MRTFA: variants seen among roughly 807,000 people sequenced by gnomAD.
MRTFA encodes myocardin related transcription factor A, also known as myocardin-related transcription factor A.
Under a neutral mutation model 83.5 loss-of-function variants are expected in MRTFA, and 20 were observed. The observed-to-expected ratio is 0.24, with a 90% CI of 0.17 to 0.35. The LOEUF is 0.35. MRTFA is among the 10% of genes least tolerant of loss of function. The probability of loss-of-function intolerance (pLI) is 1.00; values close to 1 mark genes in which losing one functional copy is unlikely to be tolerated. For missense variants in MRTFA, 1,200 were observed against 1,224.7 expected (o/e 0.98, Z 0.30); for synonymous variants, 659 against 541.2 (o/e 1.22, Z -3.02).
At position 40,410,428 on chromosome 22, in the gene MRTFA, A is replaced by AC. The variant is rs555878741; in HGVS notation, c.*961dup. ...AGTGGCCCCAGGGCAGGAGATGGCCACCCCTCAGCCCCACCGCAGGGTGAA... is the reference window on the plus strand; with the variant it reads ...AGTGGCCCCAGGGCAGGAGATGGCCACCCCCTCAGCCCCACCGCAGGGTGAA... On this transcript the variant is annotated 3_prime_UTR_variant, in exon 15 of 15. Transcript: ENST00000355630. 2.1e-3 allele frequency: 487 copies of AC among 233,992 alleles called. 2 individuals carry two copies. Among genetic ancestry groups the AC allele is most frequent in the African/African-American group, 9.8e-3 (447 of 45,400 alleles). The allele number at this position is 233,992 out of a possible 1,614,324, so 14.5% of individuals were successfully genotyped here.
At chr22:40,589,947 G>A (rs563249968) in intron 2 of MRTFA, among the ~76,000 whole-genome samples, 11 of 151,678 alleles carry the variant, frequency 7.3e-5, no homozygotes, top group African/African-American at 1.9e-4. Context: ...GCTTGAACCC[G>A]GGAGGCGGAG....
intron 4 of MRTFA, among the ~76,000 whole-genome samples, chr22:40,461,423 C>CAGA (rs2053709705): frequency 6.6e-6 from 1 of 151,838 alleles, no homozygotes; most frequent in African/African-American, 2.4e-5. Context: ...GAGCCTGAGG[C>CAGA]AGAAGGATTG....
chr22:40,571,000 G>A (rs1476155136), intron 2 of MRTFA, among the ~76,000 whole-genome samples: 3 of 124,568 alleles, frequency 2.4e-5, no homozygotes, highest in Non-Finnish European at 4.8e-5. Flanking sequence ...AACCAGCCTG[G>A]GCAACATAGT....
Position 40,483,709 on chromosome 22 carries a change from A to C in MRTFA, c.242-20423T>G, listed in dbSNP as rs190216542. ...ATAAAAAAAAAAAAATTAAAATTAA[A>C]ATAAAAAGATAGGTCTCATTCTGTC... is the stretch of plus-strand genomic sequence containing the variant. On this transcript the variant is annotated intron_variant, in intron 3 of 14. Transcript: ENST00000355630. 5.3e-5 allele frequency among the ~76,000 whole-genome samples: 8 copies of C among 151,972 alleles called. No homozygotes were observed. The East Asian group carries it at 1.6e-3, about 29-fold the overall frequency.
intron 14 of MRTFA, among the ~76,000 whole-genome samples, chr22:40,415,596 C>T (rs1307131099): frequency 6.6e-6 from 1 of 152,074 alleles, no homozygotes; most frequent in Non-Finnish European, 1.5e-5. Flanking sequence ...AGACTTCTTG[C>T]CTGCTGCCGC....
At chr22:40,618,395 T>C (rs974740536) in intron 1 of MRTFA, among the ~76,000 whole-genome samples, 2 of 151,806 alleles carry the variant, frequency 1.3e-5, no homozygotes, top group African/African-American at 4.8e-5. Flanking sequence ...TGGCCACTTT[T>C]TTATATATGG....
intron 3 of MRTFA, among the ~76,000 whole-genome samples, chr22:40,507,473 G>T (rs776285830): frequency 6.6e-6 from 1 of 151,790 alleles, no homozygotes; most frequent in Non-Finnish European, 1.5e-5. Context: ...TCTCTAAAAA[G>T]AATACAAAAA....
chr22:40,571,366 G>A (rs527354623), intron 2 of MRTFA, among the ~76,000 whole-genome samples: 17 of 151,968 alleles, frequency 1.1e-4, no homozygotes, highest in Admixed American at 5.9e-4. Context: ...ATTAGGCAAC[G>A]GCTTCCTAAA....
intron 2 of MRTFA, among the ~76,000 whole-genome samples, chr22:40,579,801 A>G (rs2055919460): frequency 6.6e-6 from 1 of 151,854 alleles, no homozygotes; most frequent in South Asian, 2.1e-4. Context: ...TGGAGGTTGC[A>G]GTGAGCCAAG....
intron 2 of MRTFA, among the ~76,000 whole-genome samples, chr22:40,558,149 G>A (rs558443261): frequency 4.7e-5 from 7 of 149,934 alleles, no homozygotes; most frequent in African/African-American, 1.2e-4. Flanking sequence ...GCAGTGGCAC[G>A]ATCATAGCTC....
intron 3 of MRTFA, among the ~76,000 whole-genome samples, chr22:40,489,143 G>A (rs1294062060): frequency 6.6e-6 from 1 of 151,964 alleles, no homozygotes; most frequent in South Asian, 2.1e-4. Flanking sequence ...TAAAACACAA[G>A]ACACAATCAT....
At chr22:40,423,889 G>A (rs1239127606) in intron 8 of MRTFA, among the ~76,000 whole-genome samples, 1 of 152,132 alleles carries the variant, frequency 6.6e-6, no homozygotes, top group East Asian at 1.9e-4. Flanking sequence ...AAAGGTCACA[G>A]AACTGAATAT....
At chr22:40,542,212 C>A (rs1872691848) in intron 3 of MRTFA, among the ~76,000 whole-genome samples, 1 of 152,086 alleles carries the variant, frequency 6.6e-6, no homozygotes, top group Non-Finnish European at 1.5e-5. Context: ...CCTCCCACCC[C>A]CTACCCCTGT....
chr22:40,610,682 A>T (rs987829246), intron 1 of MRTFA, among the ~76,000 whole-genome samples: 1 of 152,134 alleles, frequency 6.6e-6, no homozygotes, highest in African/African-American at 2.4e-5. Flanking sequence ...TCCACCATCA[A>T]TCTTCCTGGT....
intron 3 of MRTFA, among the ~76,000 whole-genome samples, chr22:40,518,590 G>A (rs756359936): frequency 2.0e-5 from 3 of 151,734 alleles, no homozygotes; most frequent in Non-Finnish European, 2.9e-5. Flanking sequence ...TCAGAAGATC[G>A]AGATCATCCT....
intron 1 of MRTFA, among the ~76,000 whole-genome samples, chr22:40,617,886 C>A (rs997295447): frequency 1.3e-5 from 2 of 152,120 alleles, no homozygotes; most frequent in Admixed American, 6.5e-5. Context: ...TTAACACCTA[C>A]TACATGCCAA....
intron 2 of MRTFA, chr22:40,587,830 T>C: frequency 2.7e-6 from 1 of 366,300 alleles, no homozygotes; most frequent in Non-Finnish European, 5.3e-6. Flanking sequence ...GACGACCTGC[T>C]AATTCACTAA....
chr22:40,464,288 G>T (rs553013361), intron 3 of MRTFA, among the ~76,000 whole-genome samples: 1 of 126,194 alleles, frequency 7.9e-6, no homozygotes, highest in Non-Finnish European at 1.6e-5. Flanking sequence ...CCTGGGTAAC[G>T]AGAGTGAGAT....
intron 3 of MRTFA, among the ~76,000 whole-genome samples, chr22:40,540,670 C>T (rs1018499395): frequency 6.7e-6 from 1 of 148,448 alleles, no homozygotes. Flanking sequence ...ATCCCAGCTA[C>T]TTGGGAGGCT....
Sources: allele counts gnomAD v4.1 joint callset (sites outside exome capture counted in the v4.1 genomes callset), GRCh38; gene constraint gnomAD v4.1.1; transcripts MANE v1.5; gene names NCBI Gene and HGNC (gene_info 2026-07-23, HGNC 2026-07-21).